Variants in RANBP17 observed in about 807,000 individuals in gnomAD.
The protein encoded by RANBP17 is RAN binding protein 17.
Under a neutral mutation model 141.2 loss-of-function variants are expected in RANBP17, and 158 were observed. The ratio of observed to expected loss-of-function variants is 1.12; its 90% CI spans 0.98 to 1.28. The LOEUF is 1.28. Among genes scored for constraint, RANBP17 ranks in the 50% most tolerant of loss-of-function variants. The pLI, the probability that RANBP17 is intolerant of heterozygous loss-of-function variation, is 0.00. For missense variants in RANBP17, 1,438 were observed against 1,290.7 expected (o/e 1.11, Z -1.75); for synonymous variants, 430 against 450.0 (o/e 0.96, Z 0.56).
intron 14 of RANBP17, among the ~76,000 whole-genome samples, chr5:171,166,682 T>A (rs1163799553): frequency 6.6e-6 from 1 of 152,190 alleles, no homozygotes; most frequent in African/African-American, 2.4e-5. Flanking sequence ...TCCCAAATTA[T>A]CCATGTTTAA....
intron 14 of RANBP17, among the ~76,000 whole-genome samples, chr5:171,089,224 G>T (rs1384449401): frequency 8.5e-6 from 1 of 117,398 alleles, no homozygotes; most frequent in Admixed American, 8.8e-5. Flanking sequence ...TGCAGTGTGA[G>T]GTGTCAGTGT....
chr5:171,263,538 A>AC (rs1766472185), intron 24 of RANBP17, among the ~76,000 whole-genome samples: 1 of 152,228 alleles, frequency 6.6e-6, no homozygotes, highest in South Asian at 2.1e-4. Flanking sequence ...TCTATCACTT[A>AC]CTTGTCAGTA....
chr5:170,997,284 T>C (rs1299160953), intron 14 of RANBP17, among the ~76,000 whole-genome samples: 2 of 152,192 alleles, frequency 1.3e-5, no homozygotes, highest in Admixed American at 1.3e-4. Flanking sequence ...TCTTGGGCTG[T>C]TCTTTATAGC....
intron 14 of RANBP17, among the ~76,000 whole-genome samples, chr5:171,062,492 C>A (rs187907332): frequency 1.3e-5 from 2 of 152,322 alleles, no homozygotes; most frequent in Non-Finnish European, 2.9e-5. Context: ...TTGGCCCCCA[C>A]TCTCTTCTGG....
At chr5:171,228,247 G>A (rs1581071172) in intron 22 of RANBP17, among the ~76,000 whole-genome samples, 1 of 152,222 alleles carries the variant, frequency 6.6e-6, no homozygotes, top group African/African-American at 2.4e-5. Flanking sequence ...ACAGGAGGAG[G>A]TGAAAATCAA....
intron 12 of RANBP17, among the ~76,000 whole-genome samples, chr5:170,926,766 CAAGT>C (rs1444688153): frequency 1.4e-4 from 21 of 152,054 alleles, no homozygotes; most frequent in Non-Finnish European, 8.8e-5. Flanking sequence ...TTCACTCTAG[CAAGT>C]AGTTATTCTT....
chr5:171,096,830 A>G (rs1561650535), intron 14 of RANBP17, among the ~76,000 whole-genome samples: 1 of 152,090 alleles, frequency 6.6e-6, no homozygotes, highest in African/African-American at 2.4e-5. Context: ...TACTTTATCA[A>G]CAACAACAAC....
At chr5:171,005,539 A>G (rs973207629) in intron 14 of RANBP17, among the ~76,000 whole-genome samples, 126 of 152,364 alleles carry the variant, frequency 8.3e-4, no homozygotes, top group Admixed American at 3.1e-3. Context: ...CTGGCTAGCC[A>G]TATGTAGAAA....
chr5:171,265,615 G>A (rs905146840), intron 24 of RANBP17, 66 bp from the exon 25 acceptor site: 27 of 1,341,074 alleles, frequency 2.0e-5, no homozygotes, highest in South Asian at 4.4e-5. Flanking sequence ...TAATGGAGCC[G>A]TTAGAAAATC....
At chr5:170,906,203 A>C (rs947733323) in intron 5 of RANBP17, among the ~76,000 whole-genome samples, 2 of 151,858 alleles carry the variant, frequency 1.3e-5, no homozygotes, top group African/African-American at 4.8e-5. Flanking sequence ...GGTTATAAAC[A>C]CTCTTTCTAG....
intron 12 of RANBP17, among the ~76,000 whole-genome samples, chr5:170,930,096 T>C (rs1773227591): frequency 6.6e-6 from 1 of 152,150 alleles, no homozygotes; most frequent in Admixed American, 6.6e-5. Context: ...TGTTGATCTT[T>C]TTAGAGAACT....
At chr5:171,123,013 C>T (rs763213307) in intron 14 of RANBP17, among the ~76,000 whole-genome samples, 7 of 152,146 alleles carry the variant, frequency 4.6e-5, no homozygotes, top group Admixed American at 2.0e-4. Flanking sequence ...ACAGGCAGTG[C>T]AGCACACCAG....
At chr5:171,136,671 AACTGGAGC>A (rs1757311509) in intron 14 of RANBP17, among the ~76,000 whole-genome samples, 1 of 152,196 alleles carries the variant, frequency 6.6e-6, no homozygotes, top group African/African-American at 2.4e-5. Flanking sequence ...TAGTCTTATG[AACTGGAGC>A]CTCTTTAAAT....
At chr5:170,939,438 G>A (rs1354344017) in intron 12 of RANBP17, among the ~76,000 whole-genome samples, 1 of 151,744 alleles carries the variant, frequency 6.6e-6, no homozygotes, top group Admixed American at 6.6e-5. Flanking sequence ...AGGCTGGAGT[G>A]CAGTGGCGTG....
At chr5:170,874,894 C>G (rs11134662) in intron 1 of RANBP17, among the ~76,000 whole-genome samples, 1,782 of 152,058 alleles carry the variant, frequency 0.012, 31 homozygotes, top group African/African-American at 0.041. Context: ...TTATTTTGCC[C>G]GTTAGTTGAT....
rs1386147650 is a variant in RANBP17, at chr5:171,277,629, ATATGTATGTATATATATATATATATAT to A, written c.2943+11783_2943+11809del. ...TGTGCTAAGTGCCTTACGTATACAT[ATATGTATGTATATATATATATATATAT>A]ATATATATATATTTATGTCTTACAG... On this transcript the variant is annotated intron_variant, in intron 25 of 27. Transcript: ENST00000523189. Among the ~76,000 whole-genome samples the A allele has an allele frequency of 4.9e-5, 5 of 102,760 alleles. No homozygotes were observed. In the East Asian group the frequency reaches 1.5e-3, roughly 30 times the overall value. 67.4% of individuals were successfully genotyped at this position (102,760 alleles called of 152,430 possible). A position where few individuals can be genotyped will look rare whatever the true frequency, so the allele number is the denominator to read the frequency against.
chr5:171,105,252 G>A (rs1023685545), intron 14 of RANBP17, among the ~76,000 whole-genome samples: 97 of 149,152 alleles, frequency 6.5e-4, no homozygotes, highest in Non-Finnish European at 1.2e-3. Flanking sequence ...CGTAGTGGCG[G>A]GCGCCTGTAG....
In RANBP17 at chr5:170,968,394, G is replaced by GA. The variant is rs1296319250; in HGVS notation, c.1710+18dup. ...ACCTCAAAGGTAGGTTTCTACTAGA[G>GA]AGTTTAAAACATGTTATTGGGGATG... On this transcript the variant is annotated intron_variant, in intron 14 of 27. Transcript: ENST00000523189. 6.2e-7 allele frequency: 1 copy of GA among 1,600,256 alleles called. No individual in the cohort carries two copies. The highest frequency in any genetic ancestry group is 1.7e-5 in the Admixed American group (1 of 58,048).
chr5:170,932,908 G>A (rs1773519197), intron 12 of RANBP17, among the ~76,000 whole-genome samples: 1 of 152,130 alleles, frequency 6.6e-6, no homozygotes, highest in South Asian at 2.1e-4. Flanking sequence ...TTTGGTATCA[G>A]GATGATGTTG....
Sources: gnomAD v4.1 joint callset for allele counts (sites outside exome capture counted in the v4.1 genomes callset) on GRCh38, gnomAD v4.1.1 for gene constraint, MANE v1.5 for transcripts, NCBI Gene and HGNC (gene_info 2026-07-23, HGNC 2026-07-21) for gene names.